The following PDE4D variants were observed in gnomAD, a reference collection of about 807,000 sequenced individuals.
PDE4D encodes the protein 3',5'-cyclic-AMP phosphodiesterase 4D.
In PDE4D, 24 loss-of-function variants were observed where a neutral mutation model predicts 87.4. That is an observed-to-expected ratio of 0.27 (90% CI 0.20 to 0.39). The LOEUF is 0.39. Ranked by LOEUF, PDE4D falls within the 10% of genes least tolerant of loss-of-function variation. PDE4D has a pLI of 1.00. For synonymous variants in PDE4D, 384 were observed against 383.2 expected, an observed-to-expected ratio of 1.00 and a Z score of -0.02; for missense variants, 714 against 1,041.0, an observed-to-expected ratio of 0.69 and a Z score of 4.32.
At chr5:59,653,465 A>T (rs1743861598) in intron 1 of PDE4D, among the ~76,000 whole-genome samples, 2 of 152,206 alleles carry the variant, frequency 1.3e-5, no homozygotes, top group Admixed American at 6.5e-5. Flanking sequence ...CTGTAATGTA[A>T]CTAAATTCCT....
chr5:60,109,679 A>T (rs372795277), intron 2 of PDE4D, among the ~76,000 whole-genome samples: 3 of 152,212 alleles, frequency 2.0e-5, no homozygotes, highest in African/African-American at 7.2e-5. Context: ...TAATAAGCAG[A>T]CATAAAAAAT....
rs1561636620 is a variant in PDE4D, at chr5:59,771,439, AAGAAAGAAAGAAAG to A, written c.455+121715_455+121728del. ...AAGGAAAGAAAGAAAAAGAAAAAGA[AAGAAAGAAAGAAAG>A]AAAGAAAGAAAGAAAGAAAGAAAGA... On this transcript the variant is annotated intron_variant, in intron 1 of 14. Transcript: ENST00000340635. Among the ~76,000 whole-genome samples, 7 of 88,958 alleles carry A rather than the reference AAGAAAGAAAGAAAG, an allele frequency of 7.9e-5. 1 individual carries two copies. Among genetic ancestry groups the A allele is most frequent in the South Asian group, 3.9e-4 (1 of 2,572 alleles). The allele number at this position is 88,958 out of a possible 152,430, so 58.4% of individuals were successfully genotyped here. A position where few individuals can be genotyped will look rare whatever the true frequency, so the allele number is the denominator to read the frequency against.
At chr5:58,986,517 G>C (rs1397915985) in intron 11 of PDE4D, among the ~76,000 whole-genome samples, 1 of 152,178 alleles carries the variant, frequency 6.6e-6, no homozygotes, top group Non-Finnish European at 1.5e-5. Flanking sequence ...TACTGCCTGA[G>C]CTCCGCCTCC....
chr5:59,178,805 G>A (rs1314953964), intron 5 of PDE4D, among the ~76,000 whole-genome samples: 1 of 152,194 alleles, frequency 6.6e-6, no homozygotes, highest in Non-Finnish European at 1.5e-5. Flanking sequence ...AGCAATGTCA[G>A]TTCTTGCTTA....
At chr5:59,110,893 C>T (rs1772510214) in intron 5 of PDE4D, among the ~76,000 whole-genome samples, 1 of 152,026 alleles carries the variant, frequency 6.6e-6, no homozygotes, top group Admixed American at 6.6e-5. Flanking sequence ...GAAAAGAAAA[C>T]TGAGGTTAGG....
At chr5:59,369,675 A>T (rs375844837) in intron 1 of PDE4D, among the ~76,000 whole-genome samples, 11 of 152,234 alleles carry the variant, frequency 7.2e-5, no homozygotes, top group Admixed American at 3.3e-4. Flanking sequence ...TGGACCCTCA[A>T]TGTTGGAGTG....
chr5:60,498,825 C>A (rs1056578150), intron 1 of PDE4D, among the ~76,000 whole-genome samples: 86 of 152,264 alleles, frequency 5.6e-4, no homozygotes, highest in Non-Finnish European at 1.2e-3. Flanking sequence ...CCTATAAGGG[C>A]TTCTGCCTTA....
At chr5:59,557,699 T>C (rs1039563276) in intron 1 of PDE4D, among the ~76,000 whole-genome samples, 4 of 152,160 alleles carry the variant, frequency 2.6e-5, no homozygotes, top group African/African-American at 9.7e-5. Flanking sequence ...GAATAAGGCA[T>C]TTTATTTAAT....
chr5:59,778,096 T>C (rs1389893456), intron 1 of PDE4D, among the ~76,000 whole-genome samples: 3 of 152,220 alleles, frequency 2.0e-5, no homozygotes, highest in Non-Finnish European at 4.4e-5. Context: ...TGTGCTAGGT[T>C]CTGTGGGTCC....
chr5:60,160,201 G>T (rs1372307522), intron 2 of PDE4D, among the ~76,000 whole-genome samples: 2 of 152,010 alleles, frequency 1.3e-5, no homozygotes, highest in African/African-American at 4.8e-5. Flanking sequence ...TAAGAATACG[G>T]TATATAATAC....
At chr5:58,999,791 A>C in intron 6 of PDE4D, 1 of 1,009,688 alleles carries the variant, frequency 9.9e-7, no homozygotes, top group Non-Finnish European at 1.2e-6. Flanking sequence ...GAATAAAGAA[A>C]ATCCACGTGA....
chr5:59,535,074 TGTGGGG>T (rs773065759), intron 1 of PDE4D, among the ~76,000 whole-genome samples: 1 of 71,644 alleles, frequency 1.4e-5, no homozygotes, highest in Non-Finnish European at 3.0e-5. Flanking sequence ...TGTGTGTGTG[TGTGGGG>T]GGGGGGTCCT....
At chr5:59,377,514 T>G (rs1394531279) in intron 1 of PDE4D, among the ~76,000 whole-genome samples, 1 of 151,940 alleles carries the variant, frequency 6.6e-6, no homozygotes, top group African/African-American at 2.4e-5. Flanking sequence ...TAAAGAGCTC[T>G]TGCACAGGAA....
At chr5:60,449,522 C>T (rs900864700) in intron 1 of PDE4D, among the ~76,000 whole-genome samples, 14 of 148,942 alleles carry the variant, frequency 9.4e-5, no homozygotes, top group African/African-American at 1.5e-4. Flanking sequence ...AGGGATAGCA[C>T]TGGGAGATAT....
At chr5:60,294,283 T>G (rs2149779789) in intron 1 of PDE4D, among the ~76,000 whole-genome samples, 1 of 152,356 alleles carries the variant, frequency 6.6e-6, no homozygotes, top group East Asian at 1.9e-4. Flanking sequence ...GCTATTTTCT[T>G]TGGTCTTTAT....
chr5:59,121,546 T>TA (rs1460403703), intron 5 of PDE4D, among the ~76,000 whole-genome samples: 3 of 148,946 alleles, frequency 2.0e-5, no homozygotes, highest in African/African-American at 7.5e-5. Context: ...CAAAAAATAA[T>TA]AAAAAATAAA....
chr5:59,119,429 T>C (rs80005968), intron 5 of PDE4D, among the ~76,000 whole-genome samples: 9,707 of 152,288 alleles, frequency 0.064, 389 homozygotes, highest in East Asian at 0.14. Flanking sequence ...AATTATTTAG[T>C]GAGCTCAGGC....
chr5:60,194,367 G>A (rs905448420), intron 1 of PDE4D, among the ~76,000 whole-genome samples: 3 of 151,596 alleles, frequency 2.0e-5, no homozygotes, highest in East Asian at 1.9e-4. Context: ...TCTTCTGCTG[G>A]TTCTCCAACT....
chr5:59,826,362 G>T (rs1770320435), intron 1 of PDE4D, among the ~76,000 whole-genome samples: 1 of 152,188 alleles, frequency 6.6e-6, no homozygotes, highest in African/African-American at 2.4e-5. Flanking sequence ...GCTACGGAAA[G>T]ATTATATGTA....
Sources: gnomAD v4.1 joint callset for allele counts (sites outside exome capture counted in the v4.1 genomes callset) on GRCh38, gnomAD v4.1.1 for gene constraint, MANE v1.5 for transcripts, NCBI Gene and HGNC (gene_info 2026-07-23, HGNC 2026-07-21) for gene names.